Variants in SS18L1 observed in about 807,000 individuals in gnomAD.
SS18L1 encodes SS18L1 subunit of BAF chromatin remodeling complex, also known as calcium-responsive transactivator.
Under a neutral mutation model 70.3 loss-of-function variants are expected in SS18L1, and 32 were observed. The observed-to-expected ratio is 0.46, with a 90% CI of 0.34 to 0.61. The LOEUF is 0.61. Among genes scored for constraint, SS18L1 ranks in the 20% least tolerant of loss-of-function variants. The pLI is 0.01. For missense variants in SS18L1, 430 were observed against 542.1 expected (o/e 0.79, Z 2.05); for synonymous variants, 237 against 229.7 (o/e 1.03, Z -0.29).
Position 62,162,766 on chromosome 20 carries a change from T to C in SS18L1, c.391T>C (p.Ser131Pro), listed in dbSNP as rs1198091444. Residue 131 changes from serine to proline, a missense_variant, in exon 5 of 11, where the codon TCC becomes CCC. Physicochemically the swap from Ser to Pro is moderately conservative, Grantham distance 74. Coordinates refer to ENST00000331758, the MANE Select transcript of SS18L1 (RefSeq NM_198935.3). ...CCCCATGCCAGGGCCGAGCCACGTG[T>C]CCATGCAGCAGACGGCGCCTAACAC... is the stretch of plus-strand genomic sequence containing the variant. ...GQIGNGPSHV[S>P]MQQTAPNTLP... The C allele has an allele frequency of 1.2e-6, 2 of 1,609,558 alleles. No homozygotes were observed. Among genetic ancestry groups the C allele is most frequent in the Non-Finnish European group, 1.7e-6 (2 of 1,177,498 alleles).
intron 1 of SS18L1, among the ~76,000 whole-genome samples, chr20:62,148,821 G>A (rs1691197327): frequency 6.6e-6 from 1 of 152,248 alleles, no homozygotes; most frequent in Admixed American, 6.5e-5. Flanking sequence ...CTCCTACCCA[G>A]CCTGGAGGGT....
At chr20:62,154,278 C>T in intron 1 of SS18L1, 2 of 1,009,138 alleles carry the variant, frequency 2.0e-6, no homozygotes, top group Non-Finnish European at 2.4e-6. Context: ...ATGACTCTGA[C>T]AGTTTTTGAA....
intron 1 of SS18L1, among the ~76,000 whole-genome samples, chr20:62,146,533 C>T (rs1456216810): frequency 6.6e-6 from 1 of 151,320 alleles, no homozygotes; most frequent in African/African-American, 2.4e-5. Context: ...CTTCTCCTGG[C>T]TTCTGATGAC....
intron 1 of SS18L1, among the ~76,000 whole-genome samples, chr20:62,153,839 G>T (rs964916962): frequency 2.6e-5 from 4 of 152,092 alleles, no homozygotes; most frequent in Admixed American, 2.6e-4. Flanking sequence ...CCCTTGGTTT[G>T]GGGAGGGAGG....
At chr20:62,160,083 C>T in intron 3 of SS18L1, 122 bp downstream of exon 3, 1 of 971,710 alleles carries the variant, frequency 1.0e-6, no homozygotes, top group Admixed American at 2.3e-5. Flanking sequence ...AAAAATACCA[C>T]TAGAGCCACC....
chr20:62,164,470 G>A (rs928593144), intron 7 of SS18L1, among the ~76,000 whole-genome samples: 41 of 152,212 alleles, frequency 2.7e-4, no homozygotes, highest in African/African-American at 8.4e-4. Context: ...GAGAAGCTGT[G>A]GCACACACCG....
In SS18L1 at chr20:62,181,035, T is replaced by A. The variant is rs1005757815; in HGVS notation, c.*1827T>A. ...CCCTATGAGGAAATCTGGAGGCAGGTAACAGTTCCCATTTTAGAGATGAAG... is the reference window on the plus strand; with the variant it reads ...CCCTATGAGGAAATCTGGAGGCAGGAAACAGTTCCCATTTTAGAGATGAAG... On this transcript the variant is annotated 3_prime_UTR_variant, in exon 11 of 11. Transcript: ENST00000331758. The A allele has an allele frequency of 1.1e-5, 2 of 188,376 alleles. No individual in the cohort carries two copies. The highest frequency in any genetic ancestry group is 4.7e-5 in the African/African-American group (2 of 42,796). 11.7% of individuals were successfully genotyped at this position (188,376 alleles called of 1,614,324 possible). A position where few individuals can be genotyped will look rare whatever the true frequency, so the allele number is the denominator to read the frequency against.
chr20:62,161,392 C>G lies in SS18L1; in HGVS notation c.232-44C>G, dbSNP rs369030015. 1 of 1,612,252 alleles carries G rather than the reference C, an allele frequency of 6.2e-7. No homozygotes were observed. The highest frequency in any genetic ancestry group is 1.3e-5 in the African/African-American group (1 of 74,834). ...GGCCTGGCTTGTGGAGGTCGCTCTC[C>G]GTAAATTAACCGTTTTTCCCTGAAA... is the stretch of plus-strand genomic sequence containing the variant. On this transcript the variant is annotated intron_variant, in intron 3 of 10. Transcript: ENST00000331758. This position sits in a 1 kb window ranked among gnomAD's most constrained non-coding sequence, Gnocchi z 4.4.
chr20:62,144,334 A>C (rs1468746936), intron 1 of SS18L1, among the ~76,000 whole-genome samples: 1 of 152,056 alleles, frequency 6.6e-6, no homozygotes, highest in Non-Finnish European at 1.5e-5. Flanking sequence ...GGCGGGCGGT[A>C]CTCGTTTTCT....
At chr20:62,150,650 TTTTTTTTTTTTTTTTTTTTTG>T (rs1439166121) in intron 1 of SS18L1, among the ~76,000 whole-genome samples, 1 of 134,266 alleles carries the variant, frequency 7.4e-6, no homozygotes, top group African/African-American at 2.7e-5. Context: ...TTTTTTTTTT[TTTTTTTTTTTTTTTTTTTTTG>T]GAGACAGAGT....
intron 1 of SS18L1, among the ~76,000 whole-genome samples, chr20:62,152,170 C>T (rs373820748): frequency 1.1e-4 from 16 of 152,284 alleles, no homozygotes; most frequent in Admixed American, 5.2e-4. Context: ...CCTGGGGCTC[C>T]GCTGCCTCAT....
chr20:62,169,344 G>A (rs6121937), intron 8 of SS18L1, among the ~76,000 whole-genome samples: 4,082 of 152,330 alleles, frequency 0.027, 74 homozygotes, highest in Non-Finnish European at 0.039. Flanking sequence ...AAATGCTTCC[G>A]GGTAGGAGAT....
chr20:62,154,215 G>A (rs2057182454), intron 1 of SS18L1: 1 of 575,514 alleles, frequency 1.7e-6, no homozygotes, highest in Non-Finnish European at 2.2e-6. Flanking sequence ...ATTACTGGAA[G>A]GACCCTGGGA....
intron 8 of SS18L1, among the ~76,000 whole-genome samples, chr20:62,172,093 G>A (rs1164203169): frequency 1.3e-5 from 2 of 151,960 alleles, no homozygotes; most frequent in African/African-American, 2.4e-5. Flanking sequence ...ACCCGGGTGG[G>A]GCGGAGCTTG....
At chr20:62,152,439 C>T (rs1229716080) in intron 1 of SS18L1, among the ~76,000 whole-genome samples, 1 of 152,240 alleles carries the variant, frequency 6.6e-6, no homozygotes, top group Admixed American at 6.5e-5. Context: ...CGGGAGGCCT[C>T]AGGCCACCAG....
At chr20:62,176,706 G>T (rs1211114146) in intron 10 of SS18L1, among the ~76,000 whole-genome samples, 1 of 151,922 alleles carries the variant, frequency 6.6e-6, no homozygotes, top group Non-Finnish European at 1.5e-5. Context: ...GGGAAGCTGA[G>T]GTGGGAGAAT....
At position 62,144,253 on chromosome 20, in the gene SS18L1, G is replaced by T. The variant is rs967937042; in HGVS notation, c.69+364G>T. Among the ~76,000 whole-genome samples the T allele has an allele frequency of 3.4e-4, 51 of 151,774 alleles. 1 individual carries two copies. Among genetic ancestry groups the T allele is most frequent in the Admixed American group, 7.9e-4 (12 of 15,246 alleles). On this transcript the variant is annotated intron_variant, in intron 1 of 10. Coordinates refer to ENST00000331758, the MANE Select transcript of SS18L1 (RefSeq NM_198935.3). The stretch of plus-strand genomic sequence containing the variant: ...GGAACTGTCCTGGGCTATGCCGGGC[G>T]CACGGGGACCCCTCGGGGCCGGAGC...
chr20:62,165,449 C>A lies in SS18L1; in HGVS notation c.851C>A (p.Ser284Ter). The A allele has an allele frequency of 6.2e-7, 1 of 1,613,098 alleles. No individual in the cohort carries two copies. Among genetic ancestry groups the A allele is most frequent in the South Asian group, 1.1e-5 (1 of 90,992 alleles). Reference protein sequence around the residue: ...DGHGDYAYQQSSYTEQSYDRS... With the variant: ...DGHGDYAYQQ ...CATGGCGATTACGCCTACCAGCAGT[C>A]ATCCTACACGGAGCAGAGCTACGAC... Residue 284 changes from serine (S) to a stop codon, truncating the protein, a stop_gained, in exon 8 of 11, where the codon TCA becomes TAA. Transcript: ENST00000331758. LOFTEE classifies it high-confidence loss of function.
At position 62,145,101 on chromosome 20, in the gene SS18L1, A is replaced by AT. The variant is rs1375126885; in HGVS notation, c.69+1214dup. 3.9e-5 allele frequency among the ~76,000 whole-genome samples: 6 copies of AT among 152,262 alleles called. No individual in the cohort carries two copies. In the East Asian group the frequency reaches 1.2e-3, roughly 29 times the overall value. Reference sequence around the variant, plus strand: ...CCTTGGCCAACTCTGAACAGGAGAGATTGAGAATAGCAGAAATACAGATTT... The same window carrying AT: ...CCTTGGCCAACTCTGAACAGGAGAGATTTGAGAATAGCAGAAATACAGATTT... On this transcript the variant is annotated intron_variant, in intron 1 of 10. Coordinates refer to ENST00000331758, the MANE Select transcript of SS18L1 (RefSeq NM_198935.3).
Sources: allele counts gnomAD v4.1 joint callset (sites outside exome capture counted in the v4.1 genomes callset), GRCh38; gene constraint gnomAD v4.1.1; non-coding constraint Gnocchi (gnomAD v3.1); transcripts MANE v1.5; gene names NCBI Gene and HGNC (gene_info 2026-07-23, HGNC 2026-07-21).